Variants in TNR observed in about 807,000 individuals in gnomAD.
TNR encodes tenascin-R.
In TNR, 45 loss-of-function variants were observed where a neutral mutation model predicts 150.4. That is an observed-to-expected ratio of 0.30 (90% confidence interval 0.24 to 0.38). The LOEUF (loss-of-function observed/expected upper bound fraction) is 0.38. TNR is among the 10% of genes least tolerant of loss of function. The pLI is 1.00. For synonymous variants in TNR, 687 were observed against 678.4 expected (o/e 1.01, Z -0.20); for missense variants, 1,544 against 1,759.1 (o/e 0.88, Z 2.19).
rs762886546 is a variant in TNR at position 175,359,623 on chromosome 1, G to A, written c.2963C>T (p.Thr988Ile). 1.4e-5 allele frequency: 23 copies of A among 1,613,462 alleles called. No individual in the cohort carries two copies. The highest frequency in any genetic ancestry group is 1.7e-4 in the Middle Eastern group (1 of 5,846). Residue 988 changes from threonine (T) to isoleucine (I), a missense_variant, in exon 15 of 23, where the codon ACA becomes ATA. Physicochemically the swap from Thr to Ile is moderately conservative, Grantham distance 89. Around this residue, in one of 2 missense-constraint regions of TNR, gnomAD observed 1,254 missense variants for 1,329.4 expected, o/e 0.94. Transcript: ENST00000367674. ...GEVENYVIVL[T>I]HFAVAGETIL... ...CTGCAGACACCCACCTGCAAAGTGT[G>A]TAAGAACAATGACGTAGTTCTCCAC... is the stretch of plus-strand genomic sequence containing the variant.
At chr1:175,681,204 T>G (rs957637083) in intron 1 of TNR, among the ~76,000 whole-genome samples, 1 of 152,052 alleles carries the variant, frequency 6.6e-6, no homozygotes, top group East Asian at 1.9e-4. Context: ...TCATTGTGAG[T>G]GATGGAGCTG....
At chr1:175,734,055 G>C (rs892392660) in intron 1 of TNR, among the ~76,000 whole-genome samples, 55 of 152,308 alleles carry the variant, frequency 3.6e-4, no homozygotes, top group Admixed American at 9.8e-4. Context: ...TATGAGAAGG[G>C]AACAGGGCTC....
intron 1 of TNR, among the ~76,000 whole-genome samples, chr1:175,683,361 C>T (rs1484403091): frequency 6.6e-6 from 1 of 152,186 alleles, no homozygotes; most frequent in East Asian, 1.9e-4. Context: ...GTTACCAGTA[C>T]TGATCAAATT....
At chr1:175,536,503 C>T (rs543294036) in intron 1 of TNR, among the ~76,000 whole-genome samples, 3 of 152,306 alleles carry the variant, frequency 2.0e-5, no homozygotes, top group African/African-American at 7.2e-5. Context: ...GTAACTTGCT[C>T]AAGGTCACTG....
intron 1 of TNR, among the ~76,000 whole-genome samples, chr1:175,543,254 G>A (rs1043153214): frequency 2.0e-5 from 3 of 152,136 alleles, no homozygotes; most frequent in African/African-American, 7.2e-5. Flanking sequence ...GCTGGCCTGT[G>A]GGGGGTCATT....
intron 1 of TNR, among the ~76,000 whole-genome samples, chr1:175,588,067 T>A (rs1256370981): frequency 6.6e-6 from 1 of 152,212 alleles, no homozygotes; most frequent in Non-Finnish European, 1.5e-5. Context: ...GGATTTGTCT[T>A]GCATAGTGTG....
At chr1:175,393,101 C>A (rs767675085) in intron 6 of TNR, among the ~76,000 whole-genome samples, 6 of 152,106 alleles carry the variant, frequency 3.9e-5, no homozygotes, top group Non-Finnish European at 7.4e-5. Context: ...GTAGGGTCAA[C>A]AAATTCTGGA....
chr1:175,370,336 TA>T (rs1652039198), intron 9 of TNR, among the ~76,000 whole-genome samples: 4 of 129,046 alleles, frequency 3.1e-5, no homozygotes, highest in African/African-American at 1.1e-4. Flanking sequence ...GGATTTTGAG[TA>T]CTTTTTTTTT....
At chr1:175,689,594 T>C (rs1666299140) in intron 1 of TNR, among the ~76,000 whole-genome samples, 1 of 152,170 alleles carries the variant, frequency 6.6e-6, no homozygotes, top group Admixed American at 6.5e-5. Flanking sequence ...GGATCCTTGT[T>C]ACAGCCCTGG....
intron 1 of TNR, among the ~76,000 whole-genome samples, chr1:175,701,308 TG>T (rs1227761234): frequency 6.6e-6 from 1 of 152,196 alleles, no homozygotes; most frequent in Non-Finnish European, 1.5e-5. Flanking sequence ...CAGATCCACT[TG>T]CCCCACCCAC....
chr1:175,585,386 C>A (rs182329141), intron 1 of TNR, among the ~76,000 whole-genome samples: 14 of 152,160 alleles, frequency 9.2e-5, no homozygotes, highest in Non-Finnish European at 1.6e-4. Flanking sequence ...TAGAGAAAAT[C>A]GTGAGCATGT....
At chr1:175,642,261 C>A (rs763883566) in intron 1 of TNR, among the ~76,000 whole-genome samples, 1 of 152,128 alleles carries the variant, frequency 6.6e-6, no homozygotes, top group South Asian at 2.1e-4. Flanking sequence ...CATACACACA[C>A]GTGCTATGTG....
chr1:175,487,217 A>G (rs1210595649), intron 2 of TNR, among the ~76,000 whole-genome samples: 1 of 152,200 alleles, frequency 6.6e-6, no homozygotes, highest in African/African-American at 2.4e-5. Context: ...CATGCAACCT[A>G]CAGCCCTCGA....
At chr1:175,568,880 G>A (rs1421153722) in intron 1 of TNR, among the ~76,000 whole-genome samples, 1 of 152,164 alleles carries the variant, frequency 6.6e-6, no homozygotes, top group Non-Finnish European at 1.5e-5. Context: ...AAAAGGAAGA[G>A]CTTGCCTTCA....
At chr1:175,345,129 AAAC>A (rs1417646253) in intron 18 of TNR, among the ~76,000 whole-genome samples, 1 of 152,070 alleles carries the variant, frequency 6.6e-6, no homozygotes, top group South Asian at 2.1e-4. Context: ...AAACAAAACA[AAAC>A]AACAACAAAA....
At chr1:175,701,747 A>G (rs1248956684) in intron 1 of TNR, among the ~76,000 whole-genome samples, 1 of 152,180 alleles carries the variant, frequency 6.6e-6, no homozygotes, top group Non-Finnish European at 1.5e-5. Context: ...GTTTTCAGCC[A>G]CTCCAGAGAG....
intron 21 of TNR, among the ~76,000 whole-genome samples, chr1:175,326,142 C>A (rs1392330584): frequency 6.6e-6 from 1 of 152,022 alleles, no homozygotes; most frequent in Non-Finnish European, 1.5e-5. Flanking sequence ...GGCAAACAGG[C>A]TGCGTGTTCT....
intron 2 of TNR, among the ~76,000 whole-genome samples, chr1:175,521,974 C>A (rs1659657371): frequency 1.3e-5 from 2 of 152,240 alleles, no homozygotes; most frequent in South Asian, 4.1e-4. Flanking sequence ...ATGATACATA[C>A]TTCTTTTGTG....
intron 1 of TNR, among the ~76,000 whole-genome samples, chr1:175,641,780 A>C (rs1416526479): frequency 6.6e-6 from 1 of 152,186 alleles, no homozygotes; most frequent in East Asian, 1.9e-4. Context: ...TATTAAACCA[A>C]AGCGGGAGAT....
Sources: gnomAD v4.1 joint callset for allele counts (sites outside exome capture counted in the v4.1 genomes callset) on GRCh38, gnomAD v4.1.1 for gene constraint, gnomAD v4.1.1 regional missense constraint, MANE v1.5 for transcripts, NCBI Gene and HGNC (gene_info 2026-07-23, HGNC 2026-07-21) for gene names.